The following ZNF652 variants were observed in gnomAD, a reference collection of about 807,000 sequenced individuals.
ZNF652 encodes zinc finger protein 652.
In ZNF652, 16 loss-of-function variants were observed where a neutral mutation model predicts 45.2. The observed-to-expected ratio is 0.35, with a 90% CI of 0.24 to 0.54. The LOEUF (loss-of-function observed/expected upper bound fraction) is 0.54, where lower values mean the gene tolerates loss of function less well. Ranked by LOEUF, ZNF652 falls within the 20% of genes least tolerant of loss-of-function variation. The pLI, the probability that ZNF652 is intolerant of heterozygous loss-of-function variation, is 0.91. For missense variants in ZNF652, 614 were observed against 765.6 expected (o/e 0.80, Z 2.34); for synonymous variants, 250 against 260.6 (o/e 0.96, Z 0.39).
intron 1 of ZNF652, among the ~76,000 whole-genome samples, chr17:49,340,865 T>C (rs975876024): frequency 6.6e-6 from 1 of 152,008 alleles, no homozygotes; most frequent in African/African-American, 2.4e-5. Flanking sequence ...AGTGGAACAT[T>C]TGGGGCCTGG....
At position 49,295,937 on chromosome 17, in the gene ZNF652, C is replaced by CAAAAAAAAAACAAAAAAAA. The variant is rs2069468039; in HGVS notation, c.*2475_*2476insTTTTTTTTGTTTTTTTTTT. On this transcript the variant is annotated 3_prime_UTR_variant, in exon 6 of 6. Coordinates refer to ENST00000430262, the MANE Select transcript of ZNF652 (RefSeq NM_001145365.3). ...CAGGCAACAGAACAAGACTCTGCCT[C>CAAAAAAAAAACAAAAAAAA]AAAAAAAAAAAAAAAAAAAAAAAAA... The CAAAAAAAAAACAAAAAAAA allele has an allele frequency of 2.0e-4, 10 of 51,252 alleles. No homozygotes were observed. Among genetic ancestry groups the CAAAAAAAAAACAAAAAAAA allele is most frequent in the African/African-American group, 7.3e-4 (10 of 13,624 alleles). The allele number at this position is 51,252 out of a possible 1,614,324, so 3.2% of individuals were successfully genotyped here. A position where few individuals can be genotyped will look rare whatever the true frequency, so the allele number is the denominator to read the frequency against.
At chr17:49,329,094 T>C (rs1938540683) in intron 1 of ZNF652, among the ~76,000 whole-genome samples, 1 of 152,222 alleles carries the variant, frequency 6.6e-6, no homozygotes, top group South Asian at 2.1e-4. Context: ...AACTCATACC[T>C]TCCTTCAGAA....
At chr17:49,346,915 G>T (rs1485017200) in intron 1 of ZNF652, among the ~76,000 whole-genome samples, 2 of 152,186 alleles carry the variant, frequency 1.3e-5, no homozygotes, top group African/African-American at 4.8e-5. Flanking sequence ...ACAGGGCAGG[G>T]AATGTATGAG....
chr17:49,348,306 C>T (rs2070228646), intron 1 of ZNF652, among the ~76,000 whole-genome samples: 1 of 151,494 alleles, frequency 6.6e-6, no homozygotes, highest in South Asian at 2.1e-4. Flanking sequence ...GCCTGGGCAA[C>T]ATAGTGAGAC....
intron 1 of ZNF652, among the ~76,000 whole-genome samples, chr17:49,340,446 C>T (rs191352223): frequency 6.6e-6 from 1 of 150,780 alleles, no homozygotes; most frequent in East Asian, 2.0e-4. Context: ...ATCCCAGCTA[C>T]TCCGGAGGCT....
rs1393155484 is a variant in ZNF652, at chr17:49,291,566, AG to A, written c.*6846del. The A allele has an allele frequency of 6.6e-6, 1 of 152,224 alleles. No homozygotes were observed. Among genetic ancestry groups the A allele is most frequent in the African/African-American group, 2.4e-5 (1 of 41,466 alleles). The allele number at this position is 152,224 out of a possible 1,614,324, so 9.4% of individuals were successfully genotyped here. A position where few individuals can be genotyped will look rare whatever the true frequency, so the allele number is the denominator to read the frequency against. ...AGCTATGGGAACACTTCTCAGGGGC[AG>A]GAACTCCCTTGAATGTGTGTGTCAG... On this transcript the variant is annotated 3_prime_UTR_variant, in exon 6 of 6. Coordinates refer to ENST00000430262, the MANE Select transcript of ZNF652 (RefSeq NM_001145365.3).
intron 1 of ZNF652, among the ~76,000 whole-genome samples, chr17:49,355,050 G>A (rs2070321332): frequency 6.6e-6 from 1 of 152,088 alleles, no homozygotes; most frequent in Non-Finnish European, 1.5e-5. Flanking sequence ...AAAGAGCATG[G>A]CTACATACAA....
At position 49,327,838 on chromosome 17, in the gene ZNF652, G is replaced by A. The variant is rs188698962; in HGVS notation, c.-258-9855C>T. ...TCACCATGTTGTCCAGGCTGGTCTC[G>A]AAGTCCTGGCCTCATGTAATCTGCC... On this transcript the variant is annotated intron_variant, in intron 1 of 5. Transcript: ENST00000430262. Among the ~76,000 whole-genome samples, 402 of 140,916 alleles carry A rather than the reference G, an allele frequency of 2.9e-3. 8 individuals are homozygous for A. The highest frequency in any genetic ancestry group is 0.026 in the Admixed American group (340 of 13,274). 92.4% of individuals were successfully genotyped at this position (140,916 alleles called of 152,430 possible).
chr17:49,340,549 CAAAAA>C (rs1040246588), intron 1 of ZNF652, among the ~76,000 whole-genome samples: 11 of 50,138 alleles, frequency 2.2e-4, no homozygotes, highest in Admixed American at 4.3e-4. Context: ...GACTCTGTCT[CAAAAA>C]AAAAAAAAAA....
chr17:49,312,148 G>A (rs998892525), intron 3 of ZNF652, 106 bp from the exon 4 acceptor site: 4 of 321,074 alleles, frequency 1.2e-5, no homozygotes, highest in Non-Finnish European at 2.3e-5. Flanking sequence ...TTTCTACACT[G>A]ATTTGTGAGG....
intron 1 of ZNF652, among the ~76,000 whole-genome samples, chr17:49,345,106 T>C (rs1452392396): frequency 6.6e-6 from 1 of 152,166 alleles, no homozygotes; most frequent in African/African-American, 2.4e-5. Context: ...ATAACTGCTA[T>C]GCGCTCTTCT....
At chr17:49,311,573 G>T in intron 4 of ZNF652, 117 bp from the exon 5 acceptor site, 2 of 1,155,898 alleles carry the variant, frequency 1.7e-6, no homozygotes, top group African/African-American at 1.5e-5. Context: ...GAACCTGCTT[G>T]TGTCAGCTAT....
At position 49,293,413 on chromosome 17, in the gene ZNF652, A is replaced by G. The variant is rs1344475767; in HGVS notation, c.*5000T>C. On this transcript the variant is annotated 3_prime_UTR_variant, in exon 6 of 6. Coordinates refer to ENST00000430262, the MANE Select transcript of ZNF652 (RefSeq NM_001145365.3). ...ACAAAAAGATCTGATCATAAAGTCT[A>G]TAAAAAAGTCTAGAAAGTATAAAAG... Among the ~76,000 whole-genome samples the G allele has an allele frequency of 1.3e-5, 2 of 152,202 alleles. No homozygotes were observed. Among genetic ancestry groups the G allele is most frequent in the African/African-American group, 4.8e-5 (2 of 41,476 alleles).
chr17:49,352,713 C>T (rs557929531), intron 1 of ZNF652, among the ~76,000 whole-genome samples: 5 of 152,258 alleles, frequency 3.3e-5, no homozygotes, highest in Non-Finnish European at 5.9e-5. Context: ...CATAATCACC[C>T]GAAACTGGAA....
At chr17:49,300,372 CA>C (rs1193930530) in intron 5 of ZNF652, among the ~76,000 whole-genome samples, 1 of 152,032 alleles carries the variant, frequency 6.6e-6, no homozygotes, top group Non-Finnish European at 1.5e-5. Flanking sequence ...GCCAGCGAGT[CA>C]AAACAGGAGA....
At position 49,296,076 on chromosome 17, in the gene ZNF652, G is replaced by A. The variant is rs2069473355; in HGVS notation, c.*2337C>T. On this transcript the variant is annotated 3_prime_UTR_variant, in exon 6 of 6. Transcript: ENST00000430262. ...ATGATATGTCTATATAAAAGTGTAG[G>A]TTGACAAACTTGTCATGGAATGCCA... The A allele has an allele frequency of 6.6e-6, 1 of 151,990 alleles. No homozygotes were observed. Among genetic ancestry groups the A allele is most frequent in the South Asian group, 2.1e-4 (1 of 4,826 alleles). 9.4% of individuals were successfully genotyped at this position (151,990 alleles called of 1,614,324 possible). A position where few individuals can be genotyped will look rare whatever the true frequency, so the allele number is the denominator to read the frequency against.
chr17:49,318,739 A>G (rs371647451), intron 1 of ZNF652, among the ~76,000 whole-genome samples: 1 of 152,210 alleles, frequency 6.6e-6, no homozygotes, highest in Admixed American at 6.5e-5. Flanking sequence ...TTCTTTCAAC[A>G]TCAATCACCA....
In ZNF652 at chr17:49,298,545, G is replaced by A. The variant is rs771822538; in HGVS notation, c.1689C>T (p.Pro563=). 4.3e-6 allele frequency: 7 copies of A among 1,611,962 alleles called. No homozygotes were observed. The East Asian group carries it at 8.9e-5, about 21-fold the overall frequency. Residue 563 remains proline (P), a synonymous_variant, in exon 6 of 6, where the codon CCC becomes CCT. Coordinates refer to ENST00000430262, the MANE Select transcript of ZNF652 (RefSeq NM_001145365.3). ...HPHPHHPHHL[P]IPPVPHLPPP... is the part of the protein sequence containing the mutation. ...GCGGGAGGTGAGGGACTGGAGGGAT[G>A]GGAAGGTGGTGTGGGTGGTGAGGGT...
chr17:49,312,953 T>C (rs755492732), intron 2 of ZNF652, 108 bp from the exon 3 acceptor site: 63 of 1,071,222 alleles, frequency 5.9e-5, no homozygotes, highest in Non-Finnish European at 7.8e-5. Context: ...AAGGCCAGAA[T>C]CCAGATAAGT....
Sources: gnomAD v4.1 joint callset for allele counts (sites outside exome capture counted in the v4.1 genomes callset) on GRCh38, gnomAD v4.1.1 for gene constraint, MANE v1.5 for transcripts, NCBI Gene and HGNC (gene_info 2026-07-23, HGNC 2026-07-21) for gene names.